RFX8: variants seen among roughly 807,000 people sequenced by gnomAD.
RFX8 encodes the protein DNA-binding protein RFX8.
RFX8 carries 46 observed loss-of-function variants against 54.6 expected under a neutral mutation model. The observed-to-expected ratio is 0.84, with a 90% CI of 0.67 to 1.08. The LOEUF (loss-of-function observed/expected upper bound fraction) is 1.08. Among genes scored for constraint, RFX8 ranks in the 50% least tolerant of loss-of-function variants. The pLI, the probability that RFX8 is intolerant of heterozygous loss-of-function variation, is 0.00. For missense variants in RFX8, 536 were observed against 562.3 expected (o/e 0.95, Z 0.47); for synonymous variants, 192 against 209.5 (o/e 0.92, Z 0.72).
At chr2:101,474,384 AGGAGCGCGCGG>A (rs540482700) in intron 1 of RFX8, 3 of 389,930 alleles carry the variant, frequency 7.7e-6, no homozygotes, top group Admixed American at 9.1e-5. Flanking sequence ...TACTTTAGAA[AGGAGCGCGCGG>A]GGGGCGCGCG....
chr2:101,406,071 G>C lies in RFX8; in HGVS notation c.814-14C>G. On this transcript the variant is annotated splice_polypyrimidine_tract_variant and intron_variant, in intron 9 of 11. Transcript: ENST00000428343. The stretch of plus-strand genomic sequence containing the variant: ...GCTTCTGCTTGTCTGTTAAGTTTTT[G>C]TGAGAAAAAAGGCTGCAGTTTGTAA... The C allele has an allele frequency of 6.7e-7, 1 of 1,485,856 alleles. No homozygotes were observed. The highest frequency in any genetic ancestry group is 9.1e-7 in the Non-Finnish European group (1 of 1,097,934). 92.0% of individuals were successfully genotyped at this position (1,485,856 alleles called of 1,614,324 possible).
chr2:101,401,027 C>A (rs111727217), intron 11 of RFX8, among the ~76,000 whole-genome samples: 2,242 of 152,268 alleles, frequency 0.015, 60 homozygotes, highest in African/African-American at 0.05. Flanking sequence ...TCATCAGCAC[C>A]CCCAAGTTGG....
At chr2:101,441,330 G>C (rs537022544) in intron 2 of RFX8, among the ~76,000 whole-genome samples, 1 of 152,176 alleles carries the variant, frequency 6.6e-6, no homozygotes, top group Non-Finnish European at 1.5e-5. Flanking sequence ...TTAAGAGGTA[G>C]GTGATTTGGT....
rs747965614 is a variant in RFX8 at position 101,422,438 on chromosome 2, A to T, written c.107T>A (p.Val36Asp). The change falls in exon 3 of 12, where the codon GTT becomes GAT. Residue 36 changes from valine (V) to aspartate (D), a missense_variant. Coordinates refer to ENST00000428343, the MANE Select transcript of RFX8 (RefSeq NM_001145664.2). ...CCTGAATTCAGACAAAGGGGATCCA[A>T]CTGGGTCTGTCTTCATCGGTGAATG... ...EDHSPMKTDPVGSPLSEFRRC... is the reference protein window; with the variant it reads ...EDHSPMKTDPDGSPLSEFRRC... 5.2e-6 allele frequency: 8 copies of T among 1,550,004 alleles called. No homozygotes were observed. Among genetic ancestry groups the T allele is most frequent in the Non-Finnish European group, 8.7e-7 (1 of 1,145,530 alleles).
rs1689969075 is a variant in RFX8, at chr2:101,471,212, T to TA, written c.-53+3423dup. Among the ~76,000 whole-genome samples the TA allele has an allele frequency of 2.0e-5, 3 of 152,072 alleles. No individual in the cohort carries two copies. The South Asian group carries it at 6.2e-4, about 32-fold the overall frequency. On this transcript the variant is annotated intron_variant, in intron 1 of 11. Transcript: ENST00000428343. Reference sequence around the variant, plus strand: ...AGCTGGGCGCAGTGGTGCGTGCCTGTAATCCCAGCTACTCAGGAGGCTGAG... The same window carrying TA: ...AGCTGGGCGCAGTGGTGCGTGCCTGTAAATCCCAGCTACTCAGGAGGCTGAG...
intron 11 of RFX8, among the ~76,000 whole-genome samples, chr2:101,399,478 T>G (rs1197711674): frequency 6.6e-6 from 1 of 152,204 alleles, no homozygotes; most frequent in Non-Finnish European, 1.5e-5. Flanking sequence ...TGTAGTTCAA[T>G]TAAGTATGTA....
At chr2:101,404,594 T>C (rs1428956448) in intron 10 of RFX8, among the ~76,000 whole-genome samples, 1 of 144,798 alleles carries the variant, frequency 6.9e-6, no homozygotes, top group Non-Finnish European at 1.5e-5. Flanking sequence ...CCTGGCTAAT[T>C]TTTTTTTTTT....
chr2:101,471,377 C>T (rs1019717935), intron 1 of RFX8, among the ~76,000 whole-genome samples: 1 of 151,992 alleles, frequency 6.6e-6, no homozygotes, highest in Non-Finnish European at 1.5e-5. Context: ...ATGTCATGAG[C>T]CCCCCACACT....
At chr2:101,469,080 G>GTATA (rs1491455388) in intron 1 of RFX8, among the ~76,000 whole-genome samples, 1 of 8,066 alleles carries the variant, frequency 1.2e-4, no homozygotes, top group Non-Finnish European at 2.2e-4. Context: ...ATATATATAA[G>GTATA]TGTATATATA....
At chr2:101,466,665 G>C (rs1487229910) in intron 2 of RFX8, 112 bp downstream of exon 2, 2 of 793,132 alleles carry the variant, frequency 2.5e-6, no homozygotes, top group African/African-American at 3.4e-5. Context: ...GGAAGCCAAA[G>C]ATACCCACTG....
At chr2:101,441,433 C>A (rs1020080386) in intron 2 of RFX8, among the ~76,000 whole-genome samples, 1 of 152,122 alleles carries the variant, frequency 6.6e-6, no homozygotes, top group African/African-American at 2.4e-5. Flanking sequence ...AGGAAGAGAC[C>A]TGAGCCAGCA....
At chr2:101,429,530 C>T (rs912097692) in intron 2 of RFX8, among the ~76,000 whole-genome samples, 3 of 152,100 alleles carry the variant, frequency 2.0e-5, no homozygotes, top group Non-Finnish European at 2.9e-5. Context: ...AGACTGGGTC[C>T]TATCTATGCA....
chr2:101,421,553 A>G, intron 4 of RFX8, 171 bp downstream of exon 4: 2 of 1,336,988 alleles, frequency 1.5e-6, no homozygotes, highest in South Asian at 4.4e-5. Flanking sequence ...CTCACCTTCC[A>G]GAACTCAATG....
intron 2 of RFX8, among the ~76,000 whole-genome samples, chr2:101,440,893 A>G (rs1319931447): frequency 6.6e-6 from 1 of 151,068 alleles, no homozygotes; most frequent in Non-Finnish European, 1.5e-5. Context: ...TTCCTGGGGG[A>G]TTGATCCTTT....
At chr2:101,445,156 C>G (rs1056149912) in intron 2 of RFX8, among the ~76,000 whole-genome samples, 8 of 152,188 alleles carry the variant, frequency 5.3e-5, no homozygotes, top group African/African-American at 1.9e-4. Flanking sequence ...TCTACCTCAC[C>G]TCTGTGTTCA....
rs398104558 is a variant in RFX8 at position 101,469,082 on chromosome 2, G to GTATATATATATATAAGTA, written c.-52-2183_-52-2182insTACTTATATATATATATA. Among the ~76,000 whole-genome samples the GTATATATATATATAAGTA allele has an allele frequency of 1.4e-4, 7 of 49,288 alleles. 1 individual carries two copies. The highest frequency in any genetic ancestry group is 8.5e-4 in the African/African-American group (7 of 8,188). The allele number at this position is 49,288 out of a possible 152,430, so 32.3% of individuals were successfully genotyped here. On this transcript the variant is annotated intron_variant, in intron 1 of 11. Transcript: ENST00000428343. The stretch of plus-strand genomic sequence containing the variant: ...TATATATATGTATATATATATAAGT[G>GTATATATATATATAAGTA]TATATATATAAGTATATATATATAA...
At chr2:101,404,482 G>A (rs564453353) in intron 10 of RFX8, among the ~76,000 whole-genome samples, 82 of 152,244 alleles carry the variant, frequency 5.4e-4, no homozygotes, top group African/African-American at 1.8e-3. Context: ...CCAGGCTGGA[G>A]TGCAGTGGCA....
At chr2:101,401,169 T>C (rs931036941) in intron 11 of RFX8, among the ~76,000 whole-genome samples, 1 of 152,230 alleles carries the variant, frequency 6.6e-6, no homozygotes, top group East Asian at 1.9e-4. Flanking sequence ...CGAATGCAGC[T>C]GGATACGTGA....
intron 2 of RFX8, among the ~76,000 whole-genome samples, chr2:101,445,149 A>T (rs1039933160): frequency 6.6e-6 from 1 of 151,928 alleles, no homozygotes; most frequent in African/African-American, 2.4e-5. Context: ...TCTAACCTCT[A>T]CCTCACCTCT....
Sources: allele counts gnomAD v4.1 joint callset (sites outside exome capture counted in the v4.1 genomes callset), GRCh38; gene constraint gnomAD v4.1.1; transcripts MANE v1.5; gene names NCBI Gene and HGNC (gene_info 2026-07-23, HGNC 2026-07-21).